OAS2: variants seen among roughly 807,000 people sequenced by gnomAD.
OAS2 encodes the protein 2'-5'-oligoadenylate synthase 2.
OAS2 carries 67 observed loss-of-function variants against 71.3 expected under a neutral mutation model. That is an observed-to-expected ratio of 0.94 (90% CI 0.77 to 1.15). OAS2 has a LOEUF of 1.15. OAS2 is among the 50% of genes most tolerant of loss of function. The pLI is 0.00. For synonymous variants in OAS2, 327 were observed against 321.8 expected (o/e 1.02, Z -0.17); for missense variants, 789 against 822.5 (o/e 0.96, Z 0.50).
At chr12:112,982,262 C>T (rs1466060805) in intron 1 of OAS2, among the ~76,000 whole-genome samples, 1 of 151,904 alleles carries the variant, frequency 6.6e-6, no homozygotes, top group Non-Finnish European at 1.5e-5. Context: ...TTCCAGGATA[C>T]AGGCTGAAAG....
chr12:113,007,641 C>G, intron 8 of OAS2, 64 bp from the exon 9 acceptor site: 1 of 1,337,310 alleles, frequency 7.5e-7, no homozygotes, highest in Non-Finnish European at 1.1e-6. Flanking sequence ...TGCTGTGGTC[C>G]CTGTGCGGCT....
chr12:113,002,781 T>G (rs529185320), intron 5 of OAS2, 151 bp from the exon 6 acceptor site: 1 of 674,650 alleles, frequency 1.5e-6, no homozygotes, highest in African/African-American at 1.8e-5. Context: ...GGGATGTATT[T>G]GTGCAATGAC....
intron 1 of OAS2, among the ~76,000 whole-genome samples, chr12:112,985,954 A>T (rs2044130755): frequency 6.6e-6 from 1 of 152,230 alleles, no homozygotes; most frequent in Non-Finnish European, 1.5e-5. Flanking sequence ...CCTAGGTGAC[A>T]GAGCAAGACC....
Position 113,010,243 on chromosome 12 carries a change from A to G in OAS2, c.*988A>G. The G allele has an allele frequency of 6.8e-7, 1 of 1,475,346 alleles. No individual in the cohort carries two copies. The highest frequency in any genetic ancestry group is 1.5e-5 in the South Asian group (1 of 68,132). 91.4% of individuals were successfully genotyped at this position (1,475,346 alleles called of 1,614,324 possible). A position where few individuals can be genotyped will look rare whatever the true frequency, so the allele number is the denominator to read the frequency against. ...TTATTAAGATATGCATTATAAATAA[A>G]TACCAAAAAATTGTCTCTGGCAATA... On this transcript the variant is annotated 3_prime_UTR_variant, in exon 10 of 10. Coordinates refer to ENST00000392583, the MANE Select transcript of OAS2 (RefSeq NM_002535.3).
At chr12:112,984,544 A>G (rs891411313) in intron 1 of OAS2, among the ~76,000 whole-genome samples, 1 of 152,180 alleles carries the variant, frequency 6.6e-6, no homozygotes, top group African/African-American at 2.4e-5. Context: ...TTTTAACTAG[A>G]GAATTTAAAC....
At chr12:112,987,494 C>T (rs2044150416) in intron 2 of OAS2, 186 bp downstream of exon 2, 1 of 1,433,682 alleles carries the variant, frequency 7.0e-7, no homozygotes, top group South Asian at 1.6e-5. Flanking sequence ...CTAACTTCTC[C>T]CCCATACCCT....
chr12:112,997,560 A>G lies in OAS2; in HGVS notation c.668A>G (p.Tyr223Cys). ...AAGGATTTACCCTCGCTGTCTCCGT[A>G]TGCCCTGGAGCTGCTTACGGTGTAT... ...KIKDLPSLSP[Y>C]ALELLTVYAW... Residue 223 changes from tyrosine (Y) to cysteine (C), a missense_variant, in exon 4 of 10, where the codon TAT (tyrosine) becomes TGT (cysteine). Transcript: ENST00000392583. 6.2e-7 allele frequency: 1 copy of G among 1,614,118 alleles called. No individual in the cohort carries two copies.
At chr12:112,982,961 T>G (rs1031302388) in intron 1 of OAS2, among the ~76,000 whole-genome samples, 2 of 152,186 alleles carry the variant, frequency 1.3e-5, no homozygotes, top group African/African-American at 4.8e-5. Context: ...TTTGTTCACA[T>G]GTAGTTGTTC....
rs1593197951 is a variant in OAS2, at chr12:112,989,818, G to C, written c.448+2510G>C. 3.3e-5 allele frequency among the ~76,000 whole-genome samples: 5 copies of C among 152,202 alleles called. No individual in the cohort carries two copies. In the South Asian group the frequency reaches 1.0e-3, roughly 32 times the overall value. Reference sequence around the variant, plus strand: ...AGGAGAGGTCCATTCAGATGACTGGGGGTGCTTAGAATTTTGTTTTTGGTT... The same window carrying C: ...AGGAGAGGTCCATTCAGATGACTGGCGGTGCTTAGAATTTTGTTTTTGGTT... On this transcript the variant is annotated intron_variant, in intron 2 of 9. Transcript: ENST00000392583.
chr12:113,000,293 T>C (rs1378580496), intron 5 of OAS2, among the ~76,000 whole-genome samples: 1 of 152,196 alleles, frequency 6.6e-6, no homozygotes, highest in East Asian at 1.9e-4. Context: ...GAAGCACATG[T>C]GGCATTTAGT....
chr12:112,978,737 C>T lies in OAS2; in HGVS notation c.129C>T (p.Asp43=), dbSNP rs1165746527. The T allele has an allele frequency of 4.3e-6, 7 of 1,614,090 alleles. No individual in the cohort carries two copies. Among genetic ancestry groups the T allele is most frequent in the Middle Eastern group, 3.3e-4 (2 of 6,062 alleles). The part of the protein sequence containing the change: ...LIDEMVNTIC[D]VLQEPEQFPL... ...ACGAGATGGTGAACACCATCTGTGA[C>T]GTCCTGCAGGAACCCGAACAGTTCC... Residue 43 remains aspartate (D), a synonymous_variant, in exon 1 of 10, where the codon GAC becomes GAT. Coordinates refer to ENST00000392583, the MANE Select transcript of OAS2 (RefSeq NM_002535.3). The surrounding 1 kb of genome is among the most constrained non-coding windows in gnomAD (Gnocchi z 4.2).
intron 2 of OAS2, chr12:112,988,471 G>A (rs2044161435): frequency 6.9e-6 from 3 of 432,638 alleles, no homozygotes; most frequent in Non-Finnish European, 9.2e-6. Flanking sequence ...TGAACAGTTG[G>A]CCACCTTTGA....
Position 113,009,447 on chromosome 12 carries a change from G to A in OAS2, c.*192G>A. The A allele has an allele frequency of 7.1e-6, 10 of 1,400,052 alleles. No homozygotes were observed. Among genetic ancestry groups the A allele is most frequent in the Middle Eastern group, 2.6e-4 (1 of 3,838 alleles). 86.7% of individuals were successfully genotyped at this position (1,400,052 alleles called of 1,614,324 possible). A position where few individuals can be genotyped will look rare whatever the true frequency, so the allele number is the denominator to read the frequency against. On this transcript the variant is annotated 3_prime_UTR_variant, in exon 10 of 10. Coordinates refer to ENST00000392583, the MANE Select transcript of OAS2 (RefSeq NM_002535.3). ...GTAACCCCAGATTCATGCACTGTAG[G>A]GTGCTGCGCAGCATCCCTAGTCTCT...
Position 112,978,852 on chromosome 12 carries a change from T to G in OAS2, c.177+67T>G. The G allele has an allele frequency of 6.7e-7, 1 of 1,488,792 alleles. No individual in the cohort carries two copies. Among genetic ancestry groups the G allele is most frequent in the Non-Finnish European group, 9.1e-7 (1 of 1,093,354 alleles). The allele number at this position is 1,488,792 out of a possible 1,614,324, so 92.2% of individuals were successfully genotyped here. The stretch of plus-strand genomic sequence containing the variant: ...TTCCACGGCGGCAGCAAGGCCGAGC[T>G]ACTGGGTGCTGGGTGCCTATTATGT... On this transcript the variant is annotated intron_variant, in intron 1 of 9. Transcript: ENST00000392583. The surrounding 1 kb of genome is among the most constrained non-coding windows in gnomAD (Gnocchi z 4.2).
rs965129241 is a variant in OAS2 at position 113,003,201 on chromosome 12, A to G, written c.1179+99A>G. The G allele has an allele frequency of 1.8e-4, 233 of 1,277,302 alleles. No individual in the cohort carries two copies. The African/African-American group carries it at 3.1e-3, about 17-fold the overall frequency. 79.1% of individuals were successfully genotyped at this position (1,277,302 alleles called of 1,614,324 possible). ...CATTGTAGCTCTCCAGGATCCATCTACCTTCAGAAACTTGAGGAAGGGAAG... is the reference window on the plus strand; with the variant it reads ...CATTGTAGCTCTCCAGGATCCATCTGCCTTCAGAAACTTGAGGAAGGGAAG... On this transcript the variant is annotated intron_variant, in intron 6 of 9. Transcript: ENST00000392583.
At chr12:113,007,421 G>A (rs2044344091) in intron 8 of OAS2, among the ~76,000 whole-genome samples, 1 of 152,226 alleles carries the variant, frequency 6.6e-6, no homozygotes, top group Non-Finnish European at 1.5e-5. Context: ...TAGGAATGAT[G>A]TGGGTAAATG....
At chr12:112,997,430 C>T (rs1488002712) in intron 3 of OAS2, 90 bp from the exon 4 acceptor site, 2 of 1,053,774 alleles carry the variant, frequency 1.9e-6, no homozygotes, top group African/African-American at 3.2e-5. Context: ...ACAATGACTT[C>T]CTGTAGACCT....
chr12:112,984,680 TG>T (rs1373959474), intron 1 of OAS2, among the ~76,000 whole-genome samples: 2 of 152,218 alleles, frequency 1.3e-5, no homozygotes, highest in Non-Finnish European at 2.9e-5. Flanking sequence ...TTCCAATTGT[TG>T]GGGGTTTTGT....
chr12:112,993,024 A>G (rs2044204928), intron 2 of OAS2, among the ~76,000 whole-genome samples: 1 of 152,146 alleles, frequency 6.6e-6, no homozygotes, highest in Non-Finnish European at 1.5e-5. Flanking sequence ...CTGCCACTAG[A>G]TGGTGGTAAA....
Sources: gnomAD v4.1 joint callset for allele counts (sites outside exome capture counted in the v4.1 genomes callset) on GRCh38, gnomAD v4.1.1 for gene constraint, Gnocchi (gnomAD v3.1) non-coding constraint, MANE v1.5 for transcripts, NCBI Gene and HGNC (gene_info 2026-07-23, HGNC 2026-07-21) for gene names.